Variants in ASIC2 observed in about 807,000 individuals in gnomAD.
ASIC2 encodes acid-sensing ion channel 2.
Under a neutral mutation model 57.3 loss-of-function variants are expected in ASIC2, and 25 were observed. The observed-to-expected ratio is 0.44, with a 90% confidence interval of 0.32 to 0.61. The LOEUF is 0.61. Among genes scored for constraint, ASIC2 ranks in the 20% least tolerant of loss-of-function variants. The probability of loss-of-function intolerance (pLI) is 0.06; values close to 1 mark genes in which losing one functional copy is unlikely to be tolerated. For missense variants in ASIC2, 641 were observed against 738.1 expected (o/e 0.87, Z 1.52); for synonymous variants, 319 against 307.5 (o/e 1.04, Z -0.39).
At chr17:33,611,294 C>G (rs938468926) in intron 1 of ASIC2, among the ~76,000 whole-genome samples, 2 of 152,156 alleles carry the variant, frequency 1.3e-5, no homozygotes, top group African/African-American at 4.8e-5. Flanking sequence ...CTCCAGAAAC[C>G]TGGGCTCTGA....
At chr17:33,120,058 G>A (rs541754393) in intron 1 of ASIC2, among the ~76,000 whole-genome samples, 1 of 152,352 alleles carries the variant, frequency 6.6e-6, no homozygotes, top group South Asian at 2.1e-4. Context: ...GCTCTGAGAG[G>A]CTGCATACCT....
chr17:33,180,400 G>T (rs538976177), intron 1 of ASIC2, among the ~76,000 whole-genome samples: 1 of 152,170 alleles, frequency 6.6e-6, no homozygotes, highest in African/African-American at 2.4e-5. Flanking sequence ...CAGGAGGAGC[G>T]CCTTGTACTT....
intron 3 of ASIC2, among the ~76,000 whole-genome samples, chr17:33,042,331 G>A (rs1174808722): frequency 6.6e-6 from 1 of 152,172 alleles, no homozygotes; most frequent in Middle Eastern, 3.2e-3. Context: ...ATAAGCAAAA[G>A]TCACTGTTAA....
chr17:33,106,571 G>A (rs1293137699), intron 2 of ASIC2, among the ~76,000 whole-genome samples: 2 of 152,108 alleles, frequency 1.3e-5, no homozygotes, highest in South Asian at 2.1e-4. Context: ...CTCACTCAGT[G>A]TGGCCATCCA....
chr17:33,772,443 A>C (rs1175730303), intron 1 of ASIC2, among the ~76,000 whole-genome samples: 3 of 152,310 alleles, frequency 2.0e-5, no homozygotes, highest in Middle Eastern at 3.4e-3. Flanking sequence ...CTTCATTCTA[A>C]AGGCTCCTGT....
intron 1 of ASIC2, among the ~76,000 whole-genome samples, chr17:33,802,036 G>A (rs1567719871): frequency 2.0e-5 from 3 of 152,228 alleles, no homozygotes; most frequent in African/African-American, 7.2e-5. Flanking sequence ...GAAAGACATG[G>A]AGAGAAGGTG....
chr17:34,100,713 C>T (rs1210769025), intron 1 of ASIC2, among the ~76,000 whole-genome samples: 2 of 152,184 alleles, frequency 1.3e-5, no homozygotes, highest in African/African-American at 4.8e-5. Context: ...TTGTCTCCTC[C>T]TACTGCGTCT....
At chr17:33,226,195 TA>T (rs1434728128) in intron 1 of ASIC2, among the ~76,000 whole-genome samples, 1 of 152,198 alleles carries the variant, frequency 6.6e-6, no homozygotes, top group African/African-American at 2.4e-5. Context: ...ATTGGTTTGT[TA>T]CTTGTTATTG....
intron 1 of ASIC2, among the ~76,000 whole-genome samples, chr17:33,979,329 A>T (rs1056479339): frequency 1.5e-4 from 23 of 152,110 alleles, no homozygotes; most frequent in African/African-American, 4.8e-4. Flanking sequence ...TGGGTCATAG[A>T]GATTCAGAGT....
intron 1 of ASIC2, among the ~76,000 whole-genome samples, chr17:33,944,352 GT>G (rs1916259060): frequency 2.0e-5 from 3 of 152,232 alleles, no homozygotes; most frequent in Non-Finnish European, 4.4e-5. Flanking sequence ...AACAGCGCCA[GT>G]TTAGCATGAA....
intron 1 of ASIC2, among the ~76,000 whole-genome samples, chr17:33,416,951 G>A (rs1412291832): frequency 1.3e-5 from 2 of 152,124 alleles, no homozygotes; most frequent in African/African-American, 4.8e-5. Context: ...GCTAGACAGT[G>A]AGAAAGCTTC....
chr17:33,717,093 C>T (rs1045096028), intron 1 of ASIC2, among the ~76,000 whole-genome samples: 16 of 152,168 alleles, frequency 1.1e-4, no homozygotes, highest in African/African-American at 2.7e-4. Flanking sequence ...TTTGGACAGA[C>T]GCACTACTAA....
At chr17:33,577,826 C>T (rs1916681608) in intron 1 of ASIC2, among the ~76,000 whole-genome samples, 1 of 152,184 alleles carries the variant, frequency 6.6e-6, no homozygotes, top group African/African-American at 2.4e-5. Flanking sequence ...CCGTGAAACT[C>T]CTACCCTTCT....
chr17:33,663,536 G>A (rs1907366640), intron 1 of ASIC2, among the ~76,000 whole-genome samples: 1 of 151,194 alleles, frequency 6.6e-6, no homozygotes, highest in Admixed American at 6.6e-5. Flanking sequence ...GACCTTACGT[G>A]TAAGGTGGCA....
chr17:33,501,680 G>T (rs1038844533), intron 1 of ASIC2, among the ~76,000 whole-genome samples: 3 of 152,200 alleles, frequency 2.0e-5, no homozygotes, highest in African/African-American at 7.2e-5. Context: ...CATGGTAGAG[G>T]CTCTGAACAC....
chr17:34,115,723 T>C (rs1911405782), intron 1 of ASIC2, among the ~76,000 whole-genome samples: 1 of 152,166 alleles, frequency 6.6e-6, no homozygotes, highest in Middle Eastern at 3.2e-3. Context: ...CCCACTTCCC[T>C]CTTCTGGATA....
At chr17:34,036,622 A>G (rs1348330881) in intron 1 of ASIC2, 3 of 149,832 alleles carry the variant, frequency 2.0e-5, no homozygotes, top group Admixed American at 2.0e-4. Context: ...AAATGGTCCT[A>G]CTAGCATTTT....
chr17:34,010,387 C>T (rs1408930883), intron 1 of ASIC2, among the ~76,000 whole-genome samples: 1 of 152,160 alleles, frequency 6.6e-6, no homozygotes, highest in East Asian at 1.9e-4. Context: ...AAAAGAACTC[C>T]ACCACTGGGC....
At chr17:33,950,244 G>A (rs11868950) in intron 1 of ASIC2, among the ~76,000 whole-genome samples, 7,991 of 152,284 alleles carry the variant, frequency 0.052, 277 homozygotes, top group Non-Finnish European at 0.075. Context: ...GATTACCAGG[G>A]AGGGCCTGCC....
Sources: allele counts gnomAD v4.1 joint callset (sites outside exome capture counted in the v4.1 genomes callset), GRCh38; gene constraint gnomAD v4.1.1; transcripts MANE v1.5; gene names NCBI Gene and HGNC (gene_info 2026-07-23, HGNC 2026-07-21).